The following DPH6 variants were observed in gnomAD, a reference collection of about 807,000 sequenced individuals.
DPH6 encodes the protein diphthine--ammonia ligase.
A neutral mutation model predicts 38.2 loss-of-function variants in DPH6; 33 were observed. The observed-to-expected ratio is 0.86, with a 90% CI of 0.65 to 1.15. The LOEUF is 1.15. DPH6 is among the 50% of genes most tolerant of loss of function. The pLI, the probability that DPH6 is intolerant of heterozygous loss-of-function variation, is 0.00. For synonymous variants in DPH6, 108 were observed against 103.0 expected, an observed-to-expected ratio of 1.05 and a Z score of -0.30; for missense variants, 325 against 320.0, an observed-to-expected ratio of 1.02 and a Z score of -0.12.
intron 3 of DPH6, among the ~76,000 whole-genome samples, chr15:35,342,249 C>A (rs866221591): frequency 6.6e-6 from 1 of 152,204 alleles, no homozygotes; most frequent in Middle Eastern, 3.2e-3. Context: ...GCGTGAGTGG[C>A]TGCTCTGCCA....
At chr15:35,270,192 T>A (rs1274616446) in intron 3 of DPH6, among the ~76,000 whole-genome samples, 1 of 152,086 alleles carries the variant, frequency 6.6e-6, no homozygotes, top group Non-Finnish European at 1.5e-5. Context: ...ACCAAAAGAA[T>A]GGTATCTATT....
chr15:35,268,978 T>TCA (rs765652401), intron 3 of DPH6, among the ~76,000 whole-genome samples: 93 of 152,218 alleles, frequency 6.1e-4, no homozygotes, highest in Non-Finnish European at 1.0e-3. Flanking sequence ...AACATGAAAA[T>TCA]CACCTTTTTA....
the DPH6 span, among the ~76,000 whole-genome samples, chr15:35,175,049 T>C: frequency 1.8e-3 from 280 of 152,294 alleles, 1 homozygote; most frequent in African/African-American, 6.5e-3. Flanking sequence ...GCTGTTTCGT[T>C]TTTGTAGAGA....
intron 3 of DPH6, among the ~76,000 whole-genome samples, chr15:35,361,673 G>A (rs1049532347): frequency 2.0e-5 from 3 of 151,062 alleles, no homozygotes; most frequent in Admixed American, 1.3e-4. Flanking sequence ...CTGACTTCAA[G>A]TTTCCTGATT....
chr15:35,377,197 G>T (rs575423155), intron 7 of DPH6, among the ~76,000 whole-genome samples: 1 of 152,278 alleles, frequency 6.6e-6, no homozygotes, highest in Non-Finnish European at 1.5e-5. Context: ...ACGGTGTTCT[G>T]TATTGAGTTA....
intron 2 of DPH6, among the ~76,000 whole-genome samples, 183 bp downstream of exon 2, chr15:35,542,230 T>C (rs1202584166): frequency 1.3e-5 from 2 of 152,152 alleles, no homozygotes; most frequent in East Asian, 1.9e-4. Context: ...AAGTTGGTTA[T>C]GAGAATTAAA....
intron 3 of DPH6, among the ~76,000 whole-genome samples, chr15:35,276,599 T>A (rs1041612124): frequency 6.6e-6 from 1 of 152,232 alleles, no homozygotes; most frequent in Non-Finnish European, 1.5e-5. Flanking sequence ...CCATATTGTG[T>A]TGATTTTTGT....
At position 35,220,195 on chromosome 15, in the gene DPH6, T is replaced by C. The variant is rs955129422; in HGVS notation, n.588A>G. On this transcript the variant is annotated non_coding_transcript_exon_variant, in exon 4 of 4. Coordinates refer to the DPH6 transcript ENST00000560386. Reference sequence around the variant, plus strand: ...TTTTCTTTTAGATTTTTGACTACTTTTATTTTTTAAAAATAGACTATTTTG... The same window carrying C: ...TTTTCTTTTAGATTTTTGACTACTTCTATTTTTTAAAAATAGACTATTTTG... The C allele has an allele frequency of 3.3e-5, 5 of 152,238 alleles. No homozygotes were observed. The East Asian group carries it at 9.6e-4, about 29-fold the overall frequency. The allele number at this position is 152,238 out of a possible 1,614,324, so 9.4% of individuals were successfully genotyped here. A position where few individuals can be genotyped will look rare whatever the true frequency, so the allele number is the denominator to read the frequency against.
chr15:35,231,160 G>A (rs764195165), intron 3 of DPH6, among the ~76,000 whole-genome samples: 1 of 152,222 alleles, frequency 6.6e-6, no homozygotes, highest in East Asian at 1.9e-4. Flanking sequence ...CTGTGGTGAT[G>A]AGGCTTGCAG....
chr15:35,482,579 T>C (rs1205920020), intron 3 of DPH6, among the ~76,000 whole-genome samples: 2 of 152,204 alleles, frequency 1.3e-5, no homozygotes, highest in Non-Finnish European at 2.9e-5. Context: ...TATGGCCAAT[T>C]GATTTTGACA....
intron 3 of DPH6, among the ~76,000 whole-genome samples, chr15:35,250,267 G>A (rs1024992617): frequency 2.0e-5 from 3 of 151,952 alleles, no homozygotes; most frequent in African/African-American, 7.2e-5. Flanking sequence ...ACATTTCCAG[G>A]TGACTAGAGC....
At chr15:35,230,126 C>T (rs1031576675) in intron 3 of DPH6, among the ~76,000 whole-genome samples, 5 of 152,218 alleles carry the variant, frequency 3.3e-5, no homozygotes, top group Non-Finnish European at 7.3e-5. Context: ...CCCCTAGGCC[C>T]CAGGCAGGTC....
the DPH6 span, among the ~76,000 whole-genome samples, chr15:35,155,170 G>A: frequency 6.6e-6 from 1 of 152,086 alleles, no homozygotes; most frequent in African/African-American, 2.4e-5. Flanking sequence ...AGTGCACATT[G>A]CCCGATCTTT....
intron 3 of DPH6, among the ~76,000 whole-genome samples, chr15:35,472,687 T>C (rs1168386864): frequency 1.3e-5 from 2 of 152,052 alleles, no homozygotes; most frequent in Admixed American, 6.6e-5. Context: ...TAAAATAAAA[T>C]AGACAAAATT....
At chr15:35,199,023 A>G in the DPH6 span, among the ~76,000 whole-genome samples, 16,737 of 151,994 alleles carry the variant, frequency 0.11, 1,334 homozygotes, top group East Asian at 0.3. Flanking sequence ...AGGTTGAAGC[A>G]ATTCTCCTGC....
chr15:35,175,883 C>T, the DPH6 span, among the ~76,000 whole-genome samples: 2 of 152,168 alleles, frequency 1.3e-5, no homozygotes, highest in Non-Finnish European at 2.9e-5. Context: ...AAGGCCATTT[C>T]GTTGGCCCAG....
At chr15:35,190,763 A>G in the DPH6 span, among the ~76,000 whole-genome samples, 1 of 152,246 alleles carries the variant, frequency 6.6e-6, no homozygotes, top group African/African-American at 2.4e-5. Context: ...TTAAACTGTA[A>G]ACTAAATTCC....
intron 2 of DPH6, 96 bp from the exon 3 acceptor site, chr15:35,538,563 C>A: frequency 1.8e-6 from 2 of 1,108,916 alleles, no homozygotes; most frequent in Non-Finnish European, 2.4e-6. Context: ...ATAGTCGACA[C>A]AGAACTTGAA....
At chr15:35,542,930 T>TA (rs1488226682) in intron 1 of DPH6, among the ~76,000 whole-genome samples, 2 of 30,574 alleles carry the variant, frequency 6.5e-5, no homozygotes, top group Admixed American at 5.0e-4. Flanking sequence ...ATAATATATA[T>TA]TATTCCACTT....
Sources: allele counts gnomAD v4.1 joint callset (sites outside exome capture counted in the v4.1 genomes callset), GRCh38; gene constraint gnomAD v4.1.1; transcripts MANE v1.5; gene names NCBI Gene and HGNC (gene_info 2026-07-23, HGNC 2026-07-21).